The following SGCD variants were observed in gnomAD, a reference collection of about 807,000 sequenced individuals.
SGCD encodes sarcoglycan delta, also known as delta-sarcoglycan.
Under a neutral mutation model 36.6 loss-of-function variants are expected in SGCD, and 18 were observed. The ratio of observed to expected loss-of-function variants is 0.49; its 90% CI spans 0.34 to 0.73. SGCD has a LOEUF of 0.73. SGCD is among the 30% of genes least tolerant of loss of function. The probability of loss-of-function intolerance (pLI) is 0.01; values close to 1 mark genes in which losing one functional copy is unlikely to be tolerated. For synonymous variants in SGCD, 133 were observed against 130.6 expected, an observed-to-expected ratio of 1.02 and a Z score of -0.12; for missense variants, 387 against 346.7, an observed-to-expected ratio of 1.12 and a Z score of -0.92.
intron 3 of SGCD, among the ~76,000 whole-genome samples, chr5:156,229,277 C>CACATATATATATATATATATAT (rs1554085595): frequency 0.02 from 1,101 of 56,304 alleles, 56 homozygotes; most frequent in Non-Finnish European, 0.024. Context: ...TATATACATA[C>CACATATATATATATATATATAT]ATATATATAT....
intron 1 of SGCD, among the ~76,000 whole-genome samples, chr5:156,089,270 A>C (rs1250537669): frequency 2.0e-5 from 3 of 152,238 alleles, no homozygotes; most frequent in African/African-American, 7.2e-5. Flanking sequence ...GCAAGGCAAC[A>C]GGCAAAATCT....
chr5:156,684,313 T>A (rs1753828876), intron 7 of SGCD, among the ~76,000 whole-genome samples: 1 of 152,174 alleles, frequency 6.6e-6, no homozygotes, highest in South Asian at 2.1e-4. Context: ...AGTGTAACAC[T>A]GCTGTAGTCA....
chr5:155,978,103 TA>T (rs912980352), intron 1 of SGCD, among the ~76,000 whole-genome samples: 2 of 151,546 alleles, frequency 1.3e-5, no homozygotes, highest in African/African-American at 4.9e-5. Context: ...AAAAATAAAA[TA>T]AAATAAAATA....
chr5:156,310,764 A>G (rs1767372378), intron 3 of SGCD, among the ~76,000 whole-genome samples: 1 of 152,202 alleles, frequency 6.6e-6, no homozygotes, highest in Non-Finnish European at 1.5e-5. Context: ...TTACTATGCA[A>G]TCCAGTGTTC....
intron 5 of SGCD, among the ~76,000 whole-genome samples, chr5:156,594,412 T>C (rs1760841941): frequency 6.6e-6 from 1 of 152,222 alleles, no homozygotes; most frequent in South Asian, 2.1e-4. Flanking sequence ...ATTTCTGCTA[T>C]GAAATGATCT....
At chr5:155,976,011 G>A (rs956232094) in intron 1 of SGCD, among the ~76,000 whole-genome samples, 5 of 152,040 alleles carry the variant, frequency 3.3e-5, no homozygotes, top group African/African-American at 4.8e-5. Flanking sequence ...TCATTCCTGA[G>A]TTGAATTCTC....
chr5:156,448,058 T>C (rs1364160774), intron 3 of SGCD, among the ~76,000 whole-genome samples: 1 of 152,180 alleles, frequency 6.6e-6, no homozygotes, highest in Non-Finnish European at 1.5e-5. Flanking sequence ...TCTAGATCTG[T>C]ACTTTTGACT....
At chr5:155,784,440 T>C in the SGCD span, among the ~76,000 whole-genome samples, 1 of 152,138 alleles carries the variant, frequency 6.6e-6, no homozygotes, top group East Asian at 1.9e-4. Context: ...CATGCCGTTT[T>C]GGATTTGACT....
intron 4 of SGCD, among the ~76,000 whole-genome samples, chr5:156,564,651 C>T (rs1759405748): frequency 6.6e-6 from 1 of 152,032 alleles, no homozygotes; most frequent in African/African-American, 2.4e-5. Context: ...CTCCCCATTC[C>T]CTATTTCCCC....
the SGCD span, among the ~76,000 whole-genome samples, chr5:155,813,221 A>G: frequency 6.6e-6 from 1 of 152,026 alleles, no homozygotes; most frequent in Non-Finnish European, 1.5e-5. Flanking sequence ...CAAGCTTAGA[A>G]TTTTCAATTT....
At chr5:156,338,709 G>C (rs1041616573) in intron 2 of SGCD, among the ~76,000 whole-genome samples, 9 of 152,102 alleles carry the variant, frequency 5.9e-5, no homozygotes, top group African/African-American at 2.2e-4. Flanking sequence ...ACAGTGGGTA[G>C]GATTTGCATA....
At chr5:156,278,004 T>C (rs747163979) in intron 3 of SGCD, among the ~76,000 whole-genome samples, 1 of 152,066 alleles carries the variant, frequency 6.6e-6, no homozygotes, top group African/African-American at 2.4e-5. Context: ...GGGAAAATAA[T>C]AGGTTCATAT....
At chr5:155,869,606 C>T (rs1206176114), upstream of SGCD, among the ~76,000 whole-genome samples, 4 of 151,888 alleles carry the variant, frequency 2.6e-5, no homozygotes, top group South Asian at 4.1e-4. Context: ...AGGTCTGTCA[C>T]GTACATGGCA....
chr5:155,911,319 G>GTGTGTGTGTA lies in SGCD; in HGVS notation c.-282+40896_-282+40897insGTGTGTGTAT, dbSNP rs145927722. Among the ~76,000 whole-genome samples the GTGTGTGTGTA allele has an allele frequency of 4.5e-3, 643 of 141,418 alleles. 2 individuals carry two copies. Among genetic ancestry groups the GTGTGTGTGTA allele is most frequent in the Middle Eastern group, 0.014 (4 of 280 alleles). The allele number at this position is 141,418 out of a possible 152,430, so 92.8% of individuals were successfully genotyped here. A position where few individuals can be genotyped will look rare whatever the true frequency, so the allele number is the denominator to read the frequency against. On this transcript the variant is annotated intron_variant, in intron 1 of 9. Transcript: ENST00000517913. ...TGTGTGTGTGTGTGTGTGTGTGTGT[G>GTGTGTGTGTA]TATATATATATATATATTTCCCCCA...
At chr5:156,401,133 C>G (rs571866610) in intron 3 of SGCD, among the ~76,000 whole-genome samples, 1 of 152,164 alleles carries the variant, frequency 6.6e-6, no homozygotes, top group Non-Finnish European at 1.5e-5. Flanking sequence ...CAGAGGTTTC[C>G]AAATTGCACA....
chr5:156,219,749 C>G (rs1166012456), intron 3 of SGCD, among the ~76,000 whole-genome samples: 3 of 152,334 alleles, frequency 2.0e-5, no homozygotes, highest in African/African-American at 4.8e-5. Flanking sequence ...GACTCAGTGA[C>G]AGCTGAGGCC....
rs73302973 is a variant in SGCD, at chr5:156,059,718, A to G, written c.-281-58160A>G. Among the ~76,000 whole-genome samples the G allele has an allele frequency of 4.9e-3, 714 of 146,884 alleles. 48 individuals carry two copies. Among genetic ancestry groups the G allele is most frequent in the African/African-American group, 0.015 (619 of 40,896 alleles). ...CCCATTTGTAAAACAGAGAAACAAT[A>G]ATGGCACTTCACAGGTTTGGTAGTA... On this transcript the variant is annotated intron_variant, in intron 1 of 9. Coordinates refer to the SGCD transcript ENST00000517913.
intron 6 of SGCD, among the ~76,000 whole-genome samples, chr5:156,630,063 A>G (rs1350802439): frequency 6.6e-6 from 1 of 151,814 alleles, no homozygotes; most frequent in Non-Finnish European, 1.5e-5. Context: ...GGGTTTCACC[A>G]TGTTGGCCAG....
At chr5:155,807,640 G>A in the SGCD span, among the ~76,000 whole-genome samples, 1 of 152,198 alleles carries the variant, frequency 6.6e-6, no homozygotes, top group Non-Finnish European at 1.5e-5. Context: ...GCCAAGTTTA[G>A]CCCATGAAAT....
Sources: allele counts gnomAD v4.1 joint callset (sites outside exome capture counted in the v4.1 genomes callset), GRCh38; gene constraint gnomAD v4.1.1; transcripts MANE v1.5; gene names NCBI Gene and HGNC (gene_info 2026-07-23, HGNC 2026-07-21).